The following MYO19 variants were observed in gnomAD, a reference collection of about 807,000 sequenced individuals.
MYO19 encodes myosin XIX, also known as unconventional myosin-XIX.
In MYO19, 132 loss-of-function variants were observed where a neutral mutation model predicts 129.2. The ratio of observed to expected loss-of-function variants is 1.02; its 90% CI spans 0.89 to 1.18. The LOEUF (loss-of-function observed/expected upper bound fraction) is 1.18. MYO19 is among the 50% of genes most tolerant of loss of function. The pLI is 0.00. For missense variants in MYO19, 1,210 were observed against 1,216.7 expected, an observed-to-expected ratio of 0.99 and a Z score of 0.08; for synonymous variants, 531 against 477.2, an observed-to-expected ratio of 1.11 and a Z score of -1.47.
chr17:36,498,634 C>G, intron 24 of MYO19, 75 bp from the exon 25 acceptor site: 1 of 1,449,386 alleles, frequency 6.9e-7, no homozygotes, highest in Non-Finnish European at 9.2e-7. Context: ...TCAAAACTAT[C>G]TTTAACAAAT....
chr17:36,518,338 T>C (rs2072892063), intron 6 of MYO19, among the ~76,000 whole-genome samples: 1 of 149,870 alleles, frequency 6.7e-6, no homozygotes, highest in Non-Finnish European at 1.5e-5. Context: ...CTACTAAAAA[T>C]ACAAAAATTA....
intron 2 of MYO19, among the ~76,000 whole-genome samples, chr17:36,540,722 A>T (rs1227721982): frequency 6.6e-6 from 1 of 152,172 alleles, no homozygotes; most frequent in Non-Finnish European, 1.5e-5. Context: ...TCAGCTCATG[A>T]AAAAGAAAAC....
chr17:36,507,239 C>A, intron 16 of MYO19, 100 bp from the exon 17 acceptor site: 1 of 1,512,458 alleles, frequency 6.6e-7, no homozygotes, highest in Non-Finnish European at 9.0e-7. Context: ...AGACATCACA[C>A]AGGCATCATA....
chr17:36,498,630 C>T (rs1196977402), intron 24 of MYO19, 71 bp from the exon 25 acceptor site: 1 of 1,454,632 alleles, frequency 6.9e-7, no homozygotes, highest in South Asian at 1.4e-5. Context: ...GAAATCAAAA[C>T]TATCTTTAAC....
At chr17:36,512,670 G>A (rs2072444129) in intron 11 of MYO19, 2 of 1,289,168 alleles carry the variant, frequency 1.6e-6, no homozygotes, top group Middle Eastern at 2.1e-4. Context: ...GGCAGTGTCT[G>A]AGCAGCCCCC....
upstream of MYO19, chr17:36,539,178 G>A (rs76203149): frequency 0.067 from 11,231 of 167,060 alleles, 648 homozygotes; most frequent in African/African-American, 0.16. Context: ...AAAGACTGTT[G>A]GGGTGGGGGG....
intron 8 of MYO19, 34 bp from the exon 9 acceptor site, chr17:36,514,582 C>T: frequency 3.6e-6 from 5 of 1,383,604 alleles, no homozygotes; most frequent in African/African-American, 1.4e-5. Context: ...CCGTTAGTTG[C>T]CCATTCATTC....
chr17:36,525,231 T>G lies in MYO19; in HGVS notation c.411A>C (p.Gly137=). 1 of 1,612,790 alleles carries G rather than the reference T, an allele frequency of 6.2e-7. No homozygotes were observed. The highest frequency in any genetic ancestry group is 8.5e-7 in the Non-Finnish European group (1 of 1,178,874). ...GATGGGAAAGACGTCTTCCTACCTT[T>G]CCAGCACCACTCTCTCCACTGACAA... ...SIVVSGESGA[G]KTWTSRCLMK... The change falls in exon 6 of 26, where the codon GGA becomes GGC. Residue 137 remains glycine, a synonymous_variant. Transcript: ENST00000614623.
intron 13 of MYO19, chr17:36,509,367 T>C: frequency 1.7e-6 from 1 of 584,026 alleles, no homozygotes; most frequent in South Asian, 2.0e-5. Flanking sequence ...GGCATGTCCT[T>C]ATGGGAAGAC....
rs150265257 is a variant in MYO19 at position 36,517,602 on chromosome 17, C to T, written c.415-1612G>A. Among the ~76,000 whole-genome samples, 407 of 152,256 alleles carry T rather than the reference C, an allele frequency of 2.7e-3. 2 individuals are homozygous for T. Among genetic ancestry groups the T allele is most frequent in the Non-Finnish European group, 4.2e-3 (285 of 68,012 alleles). ...CTTTTCAGAGAAAAGTCTTTTATTT[C>T]ATTAATTTTTCTATTTTATTCATCT... On this transcript the variant is annotated intron_variant, in intron 6 of 25. Transcript: ENST00000614623.
Position 36,503,099 on chromosome 17 carries a change from G to C in MYO19, c.2078C>G (p.Pro693Arg). Residue 693 changes from proline to arginine, a missense_variant and splice_region_variant, in exon 21 of 26, where the codon CCT becomes CGT. Transcript: ENST00000614623. ...PDSPYPAKGLPEWCPHSEEAT... is the reference protein window; with the variant it reads ...PDSPYPAKGLREWCPHSEEAT... Reference sequence around the variant, plus strand: ...ACTAACTCATGGGTCCCACTCACCAGGGAGCCCTTTGGCAGGATATGGGCT... The same window carrying C: ...ACTAACTCATGGGTCCCACTCACCACGGAGCCCTTTGGCAGGATATGGGCT... 3 of 1,613,246 alleles carry C rather than the reference G, an allele frequency of 1.9e-6. No homozygotes were observed. Among genetic ancestry groups the C allele is most frequent in the Non-Finnish European group, 2.5e-6 (3 of 1,179,196 alleles).
intron 5 of MYO19, among the ~76,000 whole-genome samples, chr17:36,527,253 C>T (rs1324615605): frequency 6.6e-6 from 1 of 151,926 alleles, no homozygotes; most frequent in Non-Finnish European, 1.5e-5. Context: ...TTTATAAATC[C>T]TTTCCTGTTA....
At chr17:36,532,800 G>A (rs765562321) in intron 2 of MYO19, 119 bp from the exon 3 acceptor site, 11 of 577,844 alleles carry the variant, frequency 1.9e-5, no homozygotes, top group South Asian at 4.2e-5. Context: ...AGGCCTGGGC[G>A]GAGAGTGGGC....
intron 6 of MYO19, among the ~76,000 whole-genome samples, chr17:36,518,185 G>A (rs1002921830): frequency 6.6e-6 from 1 of 150,676 alleles, no homozygotes; most frequent in East Asian, 2.0e-4. Context: ...TGAAATTTCA[G>A]ACAAGGCTGG....
chr17:36,497,989 G>A (rs375561834), intron 25 of MYO19: 11 of 449,128 alleles, frequency 2.4e-5, no homozygotes, highest in African/African-American at 3.9e-5. Context: ...TGCTAGAAAC[G>A]CAGCATTGCA....
chr17:36,528,310 C>T lies in MYO19; in HGVS notation c.13-108G>A, dbSNP rs1599414078. ...GGACACAAAGTGAGGAGATCGAGAC[C>T]ATCCTGGTTAACACGGTGAAACCCC... On this transcript the variant is annotated intron_variant, in intron 3 of 25. Transcript: ENST00000614623. 4.1e-6 allele frequency: 5 copies of T among 1,220,200 alleles called. No individual in the cohort carries two copies. In the East Asian group the frequency reaches 7.8e-5, roughly 19 times the overall value. The allele number at this position is 1,220,200 out of a possible 1,614,324, so 75.6% of individuals were successfully genotyped here. A position where few individuals can be genotyped will look rare whatever the true frequency, so the allele number is the denominator to read the frequency against.
At chr17:36,538,435 A>C (rs1407125462), upstream of MYO19, 5 of 1,614,164 alleles carry the variant, frequency 3.1e-6, no homozygotes, top group Non-Finnish European at 4.2e-6. Context: ...ACAGCTCTAA[A>C]CAGAAAACAG....
chr17:36,514,431 C>T lies in MYO19; in HGVS notation c.720+15G>A. 6.4e-7 allele frequency: 1 copy of T among 1,571,332 alleles called. No individual in the cohort carries two copies. Among genetic ancestry groups the T allele is most frequent in the South Asian group, 1.1e-5 (1 of 90,202 alleles). On this transcript the variant is annotated intron_variant, in intron 9 of 25. Transcript: ENST00000614623. ...GTCTCGCATCTGGGGGGCTGTGGCC[C>T]CATTTGGCACAAACCTGATAGAAGA...
Position 36,509,118 on chromosome 17 carries a change from A to G in MYO19, c.1175T>C (p.Val392Ala). ...ACAGATGCTGCTGTTGATCACTGAT[A>G]CCAGCCAGTCAAACAACCTGTTGGG... ...LIYARLFDWL[V>A]SVINSSICAD... Residue 392 changes from valine to alanine, a missense_variant, in exon 14 of 26, where the codon GTA (valine) becomes GCA (alanine). By Grantham distance (64) the Val-to-Ala change is moderately conservative (BLOSUM62 0). Coordinates refer to ENST00000614623, the MANE Select transcript of MYO19 (RefSeq NM_001163735.2). The G allele has an allele frequency of 6.2e-7, 1 of 1,612,546 alleles. No individual in the cohort carries two copies. Among genetic ancestry groups the G allele is most frequent in the South Asian group, 1.1e-5 (1 of 90,962 alleles).
Sources: gnomAD v4.1 joint callset for allele counts (sites outside exome capture counted in the v4.1 genomes callset) on GRCh38, gnomAD v4.1.1 for gene constraint, MANE v1.5 for transcripts, NCBI Gene and HGNC (gene_info 2026-07-23, HGNC 2026-07-21) for gene names.